DAB1: variants seen among roughly 807,000 people sequenced by gnomAD.
DAB1 encodes DAB adaptor protein 1.
In DAB1, 15 loss-of-function variants were observed where a neutral mutation model predicts 64.6. The observed-to-expected ratio is 0.23, with a 90% CI of 0.16 to 0.36. The LOEUF is 0.36. Among genes scored for constraint, DAB1 ranks in the 10% least tolerant of loss-of-function variants. The pLI, the probability that DAB1 is intolerant of heterozygous loss-of-function variation, is 1.00. For synonymous variants in DAB1, 235 were observed against 251.9 expected (o/e 0.93, Z 0.64); for missense variants, 596 against 706.7 (o/e 0.84, Z 1.78).
In DAB1 at chr1:57,069,385, G is replaced by T. The variant is rs1009976706; in HGVS notation, c.638C>A (p.Pro213His). 6.2e-7 allele frequency: 1 copy of T among 1,613,454 alleles called. No homozygotes were observed. The highest frequency in any genetic ancestry group is 8.5e-7 in the Non-Finnish European group (1 of 1,179,604). ...CTGATAAATGTTTTCTTCCGTTTCGGGATCACGGATTGGCTCGTGTCCAGC... is the reference window on the plus strand; with the variant it reads ...CTGATAAATGTTTTCTTCCGTTTCGTGATCACGGATTGGCTCGTGTCCAGC... ...FEAGHEPIRD[P>H]ETEENIYQVP... The change falls in exon 8 of 15, where the codon CCC becomes CAC. Residue 213 changes from proline (P) to histidine (H), a missense_variant. This residue lies in a region of DAB1 where 176 missense variants were observed against 266.7 expected (regional missense o/e 0.66). Coordinates refer to ENST00000371236, the MANE Select transcript of DAB1 (RefSeq NM_001365792.1).
intron 2 of DAB1, among the ~76,000 whole-genome samples, chr1:57,195,063 C>T (rs1239573836): frequency 6.6e-6 from 1 of 152,322 alleles, no homozygotes; most frequent in Admixed American, 6.5e-5. Context: ...CCAAGTTCTA[C>T]CTTCAATAGG....
intron 5 of DAB1, among the ~76,000 whole-genome samples, chr1:58,140,615 C>T (rs888289626): frequency 2.0e-5 from 3 of 151,924 alleles, no homozygotes; most frequent in Non-Finnish European, 4.4e-5. Flanking sequence ...TCATTTTGCC[C>T]TTCCCTGTTT....
intron 4 of DAB1, among the ~76,000 whole-genome samples, chr1:57,134,617 T>A (rs1657923519): frequency 2.0e-5 from 3 of 151,876 alleles, no homozygotes; most frequent in Admixed American, 2.0e-4. Context: ...ACAAACCCTG[T>A]GACACAAGTT....
intron 4 of DAB1, among the ~76,000 whole-genome samples, chr1:57,101,451 G>T (rs1416850197): frequency 6.6e-6 from 1 of 152,190 alleles, no homozygotes; most frequent in Non-Finnish European, 1.5e-5. Context: ...ATTTGCAAAG[G>T]CTCAACTTCA....
chr1:58,189,194 C>T (rs902600243), intron 4 of DAB1, among the ~76,000 whole-genome samples: 1 of 152,264 alleles, frequency 6.6e-6, no homozygotes, highest in African/African-American at 2.4e-5. Flanking sequence ...AGTTATCAAC[C>T]ACAAGCTTCT....
chr1:57,056,612 C>T (rs992145070), intron 9 of DAB1, among the ~76,000 whole-genome samples: 2 of 151,906 alleles, frequency 1.3e-5, no homozygotes, highest in African/African-American at 4.8e-5. Flanking sequence ...CACCTGTAAT[C>T]CCAGCACTTT....
chr1:57,131,666 A>T (rs1370396540), intron 4 of DAB1, among the ~76,000 whole-genome samples: 1 of 152,314 alleles, frequency 6.6e-6, no homozygotes, highest in East Asian at 1.9e-4. Context: ...AAATAAGGTG[A>T]CATCTGGTTT....
At chr1:58,236,580 C>T (rs1430488456) in intron 4 of DAB1, among the ~76,000 whole-genome samples, 1 of 152,144 alleles carries the variant, frequency 6.6e-6, no homozygotes, top group East Asian at 1.9e-4. Context: ...TGATTATTTA[C>T]AGAAATAAGA....
chr1:58,520,361 T>C (rs1646243236), intron 2 of DAB1, among the ~76,000 whole-genome samples: 2 of 151,976 alleles, frequency 1.3e-5, no homozygotes, highest in Non-Finnish European at 2.9e-5. Flanking sequence ...CTCCTACAAC[T>C]CAAGAATAAG....
At chr1:57,871,028 A>C (rs1643939702) in intron 1 of DAB1, among the ~76,000 whole-genome samples, 1 of 152,204 alleles carries the variant, frequency 6.6e-6, no homozygotes, top group Non-Finnish European at 1.5e-5. Context: ...TTAACAGATA[A>C]TCATAAAGCA....
At chr1:58,325,435 G>T (rs1662798819) in intron 4 of DAB1, among the ~76,000 whole-genome samples, 1 of 152,064 alleles carries the variant, frequency 6.6e-6, no homozygotes, top group South Asian at 2.1e-4. Flanking sequence ...TCATCTTTAA[G>T]AATATGCAAT....
intron 6 of DAB1, among the ~76,000 whole-genome samples, chr1:57,755,089 G>A (rs1056730581): frequency 6.6e-6 from 1 of 152,098 alleles, no homozygotes; most frequent in Non-Finnish European, 1.5e-5. Context: ...TAGCTTCCAA[G>A]TAAATCTTGG....
intron 3 of DAB1, among the ~76,000 whole-genome samples, chr1:58,456,358 G>A (rs187567559): frequency 2.0e-3 from 297 of 152,302 alleles, no homozygotes; most frequent in Non-Finnish European, 2.7e-3. Flanking sequence ...ATGTTTTACC[G>A]ATTTGTCTGG....
intron 5 of DAB1, among the ~76,000 whole-genome samples, chr1:58,033,757 A>T (rs1273794988): frequency 6.6e-6 from 1 of 152,240 alleles, no homozygotes; most frequent in African/African-American, 2.4e-5. Flanking sequence ...TTTGAAGATG[A>T]ACAAAATTTC....
intron 4 of DAB1, among the ~76,000 whole-genome samples, chr1:58,156,591 G>C (rs927243263): frequency 6.6e-6 from 1 of 152,166 alleles, no homozygotes; most frequent in Non-Finnish European, 1.5e-5. Context: ...CTGGGTGCAT[G>C]GTATCATACA....
At chr1:58,144,462 AT>A (rs1275626302) in intron 5 of DAB1, among the ~76,000 whole-genome samples, 2 of 152,240 alleles carry the variant, frequency 1.3e-5, no homozygotes, top group African/African-American at 2.4e-5. Context: ...CAGTATGGTC[AT>A]TACTAATAGC....
chr1:57,995,114 T>C lies in DAB1; in HGVS notation n.388-110952A>G, dbSNP rs146960696. On this transcript the variant is annotated intron_variant and non_coding_transcript_variant, in intron 5 of 20. Transcript: ENST00000485760. ...GGGCCTCAGTTTCCTCAACTGCAAATGAAAGGCAAAGACAGTAGTTTCCAG... is the reference window on the plus strand; with the variant it reads ...GGGCCTCAGTTTCCTCAACTGCAAACGAAAGGCAAAGACAGTAGTTTCCAG... Among the ~76,000 whole-genome samples, 519 of 152,248 alleles carry C rather than the reference T, an allele frequency of 3.4e-3. 5 individuals carry two copies. Among genetic ancestry groups the C allele is most frequent in the African/African-American group, 0.012 (497 of 41,548 alleles).
At chr1:58,250,366 G>T (rs990712300) in intron 4 of DAB1, among the ~76,000 whole-genome samples, 1 of 152,234 alleles carries the variant, frequency 6.6e-6, no homozygotes, top group Non-Finnish European at 1.5e-5. Context: ...CAGGGCGCGC[G>T]GGAGACGCCG....
chr1:57,509,310 C>A (rs570003525), intron 7 of DAB1, among the ~76,000 whole-genome samples: 1 of 152,152 alleles, frequency 6.6e-6, no homozygotes, highest in Non-Finnish European at 1.5e-5. Context: ...CTATGCAATG[C>A]ACTCAGCAAA....
Sources: gnomAD v4.1 joint callset for allele counts (sites outside exome capture counted in the v4.1 genomes callset) on GRCh38, gnomAD v4.1.1 for gene constraint, gnomAD v4.1.1 regional missense constraint, MANE v1.5 for transcripts, NCBI Gene and HGNC (gene_info 2026-07-23, HGNC 2026-07-21) for gene names.